Variants in KCND2 observed in about 807,000 individuals in gnomAD.
KCND2 encodes A-type voltage-gated potassium channel KCND2.
In KCND2, 16 loss-of-function variants were observed where a neutral mutation model predicts 54.4. The observed-to-expected ratio is 0.29, with a 90% CI of 0.20 to 0.45. The LOEUF (loss-of-function observed/expected upper bound fraction) is 0.45. Among genes scored for constraint, KCND2 ranks in the 20% least tolerant of loss-of-function variants. The pLI is 1.00. For synonymous variants in KCND2, 317 were observed against 310.7 expected, an observed-to-expected ratio of 1.02 and a Z score of -0.21; for missense variants, 486 against 824.2, an observed-to-expected ratio of 0.59 and a Z score of 5.02.
At chr7:120,319,846 TTAATC>T (rs1418193581) in intron 1 of KCND2, among the ~76,000 whole-genome samples, 3 of 152,100 alleles carry the variant, frequency 2.0e-5, no homozygotes, top group Non-Finnish European at 4.4e-5. Context: ...TTTTATGTTT[TTAATC>T]TATATATTCT....
At chr7:120,279,887 C>T (rs1222191069) in intron 1 of KCND2, among the ~76,000 whole-genome samples, 1 of 151,766 alleles carries the variant, frequency 6.6e-6, no homozygotes, top group Non-Finnish European at 1.5e-5. Flanking sequence ...ATACTATTCT[C>T]CTGATACCTG....
intron 1 of KCND2, among the ~76,000 whole-genome samples, chr7:120,347,696 G>A (rs955368509): frequency 3.3e-5 from 5 of 151,604 alleles, no homozygotes; most frequent in African/African-American, 1.2e-4. Flanking sequence ...GGCAGAGGTT[G>A]CAGTGAGGAG....
At chr7:120,732,697 C>T (rs949552506) in intron 1 of KCND2, among the ~76,000 whole-genome samples, 1 of 152,048 alleles carries the variant, frequency 6.6e-6, no homozygotes, top group Non-Finnish European at 1.5e-5. Flanking sequence ...GTTAGAATCA[C>T]TTTCTATAAG....
At chr7:120,351,196 T>C (rs1800395105) in intron 1 of KCND2, among the ~76,000 whole-genome samples, 1 of 148,434 alleles carries the variant, frequency 6.7e-6, no homozygotes, top group Non-Finnish European at 1.5e-5. Flanking sequence ...TTATATTTTA[T>C]ATTTTATACT....
At chr7:120,279,567 G>A (rs1167056753) in intron 1 of KCND2, among the ~76,000 whole-genome samples, 1 of 151,854 alleles carries the variant, frequency 6.6e-6, no homozygotes. Context: ...ATTTGGGAAA[G>A]TAAAAATTTA....
At chr7:120,377,757 T>G (rs1349699108) in intron 1 of KCND2, among the ~76,000 whole-genome samples, 1 of 151,912 alleles carries the variant, frequency 6.6e-6, no homozygotes, top group Non-Finnish European at 1.5e-5. Context: ...TGTTTCGTAT[T>G]TCCATAGGTT....
At chr7:120,294,733 ATTC>A (rs1799483922) in intron 1 of KCND2, among the ~76,000 whole-genome samples, 1 of 151,862 alleles carries the variant, frequency 6.6e-6, no homozygotes, top group Admixed American at 6.6e-5. Context: ...GAAGAAACAT[ATTC>A]TTATTAGCCA....
At chr7:120,518,353 G>A (rs1562861674) in intron 1 of KCND2, among the ~76,000 whole-genome samples, 1 of 151,910 alleles carries the variant, frequency 6.6e-6, no homozygotes, top group Non-Finnish European at 1.5e-5. Context: ...GAGACATTGT[G>A]GTAAATATTC....
intron 1 of KCND2, among the ~76,000 whole-genome samples, chr7:120,697,562 A>G (rs1792347112): frequency 6.6e-6 from 1 of 152,200 alleles, no homozygotes; most frequent in Non-Finnish European, 1.5e-5. Flanking sequence ...GCATGTGATG[A>G]TATACAGATT....
At chr7:120,478,993 T>G (rs1802566681) in intron 1 of KCND2, among the ~76,000 whole-genome samples, 1 of 152,134 alleles carries the variant, frequency 6.6e-6, no homozygotes, top group South Asian at 2.1e-4. Flanking sequence ...TCATTTGAAT[T>G]TTATAGGAAC....
chr7:120,576,475 G>C (rs941482025), intron 1 of KCND2, among the ~76,000 whole-genome samples: 3 of 152,126 alleles, frequency 2.0e-5, no homozygotes, highest in Non-Finnish European at 4.4e-5. Flanking sequence ...CTATATATTT[G>C]CCTTTGATTA....
intron 1 of KCND2, among the ~76,000 whole-genome samples, chr7:120,453,892 C>T (rs962235046): frequency 6.6e-6 from 1 of 152,166 alleles, no homozygotes; most frequent in Non-Finnish European, 1.5e-5. Context: ...CGAGACCATC[C>T]TGGCTAACAT....
chr7:120,401,925 G>T (rs1428151364), intron 1 of KCND2, among the ~76,000 whole-genome samples: 3 of 152,044 alleles, frequency 2.0e-5, no homozygotes, highest in African/African-American at 7.2e-5. Context: ...CTCTTTTTAA[G>T]TATATCCTCA....
chr7:120,285,079 G>A (rs1351303581), intron 1 of KCND2, among the ~76,000 whole-genome samples: 1 of 152,078 alleles, frequency 6.6e-6, no homozygotes, highest in African/African-American at 2.4e-5. Flanking sequence ...TGACCTTTTT[G>A]AGCTGAGAAA....
intron 1 of KCND2, among the ~76,000 whole-genome samples, chr7:120,391,828 A>G (rs999258263): frequency 2.6e-5 from 4 of 151,928 alleles, no homozygotes; most frequent in African/African-American, 9.7e-5. Flanking sequence ...CCTTTGTCAG[A>G]TGGTTAGATT....
intron 1 of KCND2, among the ~76,000 whole-genome samples, chr7:120,398,149 GTATATACA>G (rs1801187621): frequency 7.5e-6 from 1 of 133,460 alleles, no homozygotes; most frequent in Non-Finnish European, 1.5e-5. Context: ...GATTTTATAT[GTATATACA>G]TATATACACA....
chr7:120,510,647 C>T (rs1393319626), intron 1 of KCND2, among the ~76,000 whole-genome samples: 1 of 152,004 alleles, frequency 6.6e-6, no homozygotes, highest in Admixed American at 6.6e-5. Flanking sequence ...TACACAGATT[C>T]TCTACCTAAG....
chr7:120,689,013 T>C (rs2116600453), intron 1 of KCND2, among the ~76,000 whole-genome samples: 1 of 152,288 alleles, frequency 6.6e-6, no homozygotes, highest in African/African-American at 2.4e-5. Flanking sequence ...CAATTCTCTC[T>C]TCCAATTGGT....
intron 1 of KCND2, among the ~76,000 whole-genome samples, chr7:120,408,460 CAG>C (rs1472939989): frequency 2.0e-5 from 3 of 151,726 alleles, no homozygotes; most frequent in Non-Finnish European, 2.9e-5. Flanking sequence ...CATGTAAAGA[CAG>C]GGGAAATGAT....
Sources: allele counts gnomAD v4.1 joint callset (sites outside exome capture counted in the v4.1 genomes callset), GRCh38; gene constraint gnomAD v4.1.1; transcripts MANE v1.5; gene names NCBI Gene and HGNC (gene_info 2026-07-23, HGNC 2026-07-21).